The following SLC8A1 variants were observed in gnomAD, a reference collection of about 807,000 sequenced individuals.
SLC8A1 encodes solute carrier family 8 member A1, also known as sodium/calcium exchanger 1.
Under a neutral mutation model 68.3 loss-of-function variants are expected in SLC8A1, and 18 were observed. The ratio of observed to expected loss-of-function variants is 0.26; its 90% CI spans 0.18 to 0.39. SLC8A1 has a LOEUF of 0.39. Ranked by LOEUF, SLC8A1 falls within the 10% of genes least tolerant of loss-of-function variation. SLC8A1 has a pLI of 1.00. For synonymous variants in SLC8A1, 475 were observed against 415.5 expected (o/e 1.14, Z -1.74); for missense variants, 985 against 1,156.7 (o/e 0.85, Z 2.15).
intron 6 of SLC8A1, among the ~76,000 whole-genome samples, chr2:40,145,625 TGAGA>T (rs1290877155): frequency 6.6e-6 from 1 of 152,224 alleles, no homozygotes; most frequent in Non-Finnish European, 1.5e-5. Flanking sequence ...TTAAAGGTTC[TGAGA>T]GAATCGTAAA....
chr2:40,361,645 T>A (rs909766315), intron 2 of SLC8A1, among the ~76,000 whole-genome samples: 3 of 151,972 alleles, frequency 2.0e-5, no homozygotes, highest in Non-Finnish European at 4.4e-5. Flanking sequence ...GCCTATAAAC[T>A]AAGAGCAGCA....
At chr2:40,174,970 A>G (rs1301141315) in intron 3 of SLC8A1, 128 bp from the exon 5 acceptor site, 2 of 875,764 alleles carry the variant, frequency 2.3e-6, no homozygotes, top group Non-Finnish European at 3.6e-6. Flanking sequence ...TAAGAAGACT[A>G]GGAAAATGTT....
At chr2:40,338,274 A>G (rs942239936) in intron 2 of SLC8A1, among the ~76,000 whole-genome samples, 1 of 152,204 alleles carries the variant, frequency 6.6e-6, no homozygotes, top group African/African-American at 2.4e-5. Context: ...GTCTTGACAT[A>G]TATCAAAATA....
intron 2 of SLC8A1, among the ~76,000 whole-genome samples, chr2:40,420,558 C>T (rs953120044): frequency 6.6e-6 from 1 of 152,132 alleles, no homozygotes; most frequent in African/African-American, 2.4e-5. Flanking sequence ...CCAAAACCAA[C>T]AATAACTAGG....
intron 1 of SLC8A1, among the ~76,000 whole-genome samples, chr2:40,439,641 G>A (rs1039497503): frequency 6.6e-6 from 1 of 152,056 alleles, no homozygotes. Flanking sequence ...AGAGGCTGGT[G>A]AATTTCATCA....
chr2:40,240,558 A>G (rs947310163), intron 2 of SLC8A1, among the ~76,000 whole-genome samples: 12 of 152,236 alleles, frequency 7.9e-5, no homozygotes, highest in African/African-American at 2.7e-4. Flanking sequence ...CTGTCTCTCT[A>G]TTGTTCACAT....
chr2:40,287,114 G>A (rs2068447191), intron 2 of SLC8A1, among the ~76,000 whole-genome samples: 1 of 152,172 alleles, frequency 6.6e-6, no homozygotes, highest in African/African-American at 2.4e-5. Flanking sequence ...CAGCTTGTCT[G>A]TCTGGCAGAG....
At position 40,437,949 on chromosome 2, in the gene SLC8A1, A is replaced by G. The variant is rs570711335; in HGVS notation, c.-24-7645T>C. ...CTGTGGAAACCAGGACCCTTCCATT[A>G]CTAGAGATTCACTGAAGAGAAGAGA... On this transcript the variant is annotated intron_variant, in intron 1 of 7. Coordinates refer to ENST00000406785, the Ensembl canonical transcript of SLC8A1. 3.3e-5 allele frequency among the ~76,000 whole-genome samples: 5 copies of G among 152,248 alleles called. No individual in the cohort carries two copies. In the East Asian group the frequency reaches 7.7e-4, roughly 24 times the overall value.
At chr2:40,408,841 G>A (rs980767361) in intron 2 of SLC8A1, among the ~76,000 whole-genome samples, 3 of 151,964 alleles carry the variant, frequency 2.0e-5, no homozygotes, top group Non-Finnish European at 4.4e-5. Flanking sequence ...GAGCATTTGA[G>A]CACATTTCAA....
At chr2:40,490,213 C>A (rs1335999088) in intron 1 of SLC8A1, among the ~76,000 whole-genome samples, 1 of 152,110 alleles carries the variant, frequency 6.6e-6, no homozygotes, top group Non-Finnish European at 1.5e-5. Flanking sequence ...AGGGCAGATA[C>A]AATGTACTTG....
chr2:40,369,357 G>T (rs1677266103), intron 2 of SLC8A1, among the ~76,000 whole-genome samples: 1 of 152,076 alleles, frequency 6.6e-6, no homozygotes, highest in African/African-American at 2.4e-5. Context: ...CAACCTCAGT[G>T]TTCAGGGATA....
intron 2 of SLC8A1, among the ~76,000 whole-genome samples, chr2:40,365,561 G>A (rs1164982509): frequency 2.0e-5 from 3 of 152,088 alleles, no homozygotes; most frequent in South Asian, 2.1e-4. Context: ...GAGGGGCTCT[G>A]AATCCCATTT....
chr2:40,317,597 G>A (rs2074638720), intron 2 of SLC8A1, among the ~76,000 whole-genome samples: 1 of 151,834 alleles, frequency 6.6e-6, no homozygotes, highest in Non-Finnish European at 1.5e-5. Context: ...TATATAACTA[G>A]AAAAATAGGA....
intron 6 of SLC8A1, among the ~76,000 whole-genome samples, chr2:40,147,277 T>TTAATG (rs1171545467): frequency 6.6e-6 from 1 of 152,206 alleles, no homozygotes; most frequent in African/African-American, 2.4e-5. Context: ...AAATTACAGT[T>TTAATG]TAATGTAATT....
At chr2:40,229,519 T>C (rs1400189716) in intron 2 of SLC8A1, among the ~76,000 whole-genome samples, 1 of 152,196 alleles carries the variant, frequency 6.6e-6, no homozygotes, top group African/African-American at 2.4e-5. Flanking sequence ...TGCAAAACTT[T>C]ATTCATTCAG....
chr2:40,242,730 C>A (rs1196907287), intron 2 of SLC8A1, among the ~76,000 whole-genome samples: 2 of 152,110 alleles, frequency 1.3e-5, no homozygotes, highest in African/African-American at 4.8e-5. Flanking sequence ...TCTATAATTA[C>A]AAGAAACAAC....
chr2:40,145,309 G>C (rs1230762417), intron 6 of SLC8A1, among the ~76,000 whole-genome samples: 1 of 152,120 alleles, frequency 6.6e-6, no homozygotes, highest in African/African-American at 2.4e-5. Flanking sequence ...TTTAGAGTGT[G>C]ACAAGTTCTT....
exon 8 of SLC8A1, chr2:40,110,923 T>A (rs1340857885): frequency 6.6e-6 from 1 of 152,164 alleles, no homozygotes; most frequent in Non-Finnish European, 1.5e-5. Flanking sequence ...TGTATATCAG[T>A]CTCGCTACTT....
At chr2:40,175,547 A>C (rs2048331080) in intron 3 of SLC8A1, among the ~76,000 whole-genome samples, 1 of 151,864 alleles carries the variant, frequency 6.6e-6, no homozygotes, top group Non-Finnish European at 1.5e-5. Flanking sequence ...CTTATATATA[A>C]TTTCTTTACA....
Sources: allele counts gnomAD v4.1 joint callset (sites outside exome capture counted in the v4.1 genomes callset), GRCh38; gene constraint gnomAD v4.1.1; transcripts MANE v1.5; gene names NCBI Gene and HGNC (gene_info 2026-07-23, HGNC 2026-07-21).